Variants in RPH3AL observed in about 807,000 individuals in gnomAD.
RPH3AL encodes the protein rabphilin 3A like (without C2 domains).
A neutral mutation model predicts 43.1 loss-of-function variants in RPH3AL; 38 were observed. The ratio of observed to expected loss-of-function variants is 0.88; its 90% CI spans 0.68 to 1.15. The LOEUF is 1.15. RPH3AL is among the 50% of genes most tolerant of loss of function. RPH3AL has a pLI of 0.00. For missense variants in RPH3AL, 462 were observed against 423.2 expected (o/e 1.09, Z -0.81); for synonymous variants, 189 against 176.3 (o/e 1.07, Z -0.57).
intron 1 of RPH3AL, chr17:339,717 C>T (rs1421917638): frequency 1.3e-5 from 2 of 152,274 alleles, no homozygotes; most frequent in African/African-American, 2.4e-5. Context: ...CCTCCCAAGG[C>T]GTCGGGTTGC....
At chr17:243,932 GATTACCCT>G in intron 7 of RPH3AL, among the ~76,000 whole-genome samples, 1 of 134,352 alleles carries the variant, frequency 7.4e-6, no homozygotes, top group Non-Finnish European at 1.6e-5. Flanking sequence ...TTCCTCTACT[GATTACCCT>G]TCCTCTACTG....
chr17:312,546 AG>A (rs1286911403), intron 5 of RPH3AL, among the ~76,000 whole-genome samples: 3 of 152,228 alleles, frequency 2.0e-5, no homozygotes, highest in African/African-American at 7.2e-5. Context: ...GGAGTCACTC[AG>A]CCTCTTCTGA....
intron 5 of RPH3AL, among the ~76,000 whole-genome samples, chr17:296,010 C>T (rs76420992): frequency 7.8e-5 from 6 of 77,322 alleles, no homozygotes; most frequent in Admixed American, 1.5e-4. Flanking sequence ...CAGAAATGGA[C>T]GGGCAGAGGG....
intron 6 of RPH3AL, among the ~76,000 whole-genome samples, chr17:262,555 C>T (rs1010841404): frequency 8.5e-5 from 13 of 152,094 alleles, no homozygotes; most frequent in Admixed American, 2.6e-4. Context: ...CCAGGTGCAG[C>T]GGCTCACGCT....
chr17:319,480 G>C lies in RPH3AL; in HGVS notation c.291C>G (p.Leu97=). 6.2e-7 allele frequency: 1 copy of C among 1,612,702 alleles called. No individual in the cohort carries two copies. The highest frequency in any genetic ancestry group is 8.5e-7 in the Non-Finnish European group (1 of 1,179,966). ...VMGNGLSQCL[L]CGEVLGFLGS... is the part of the protein sequence containing the mutation. ...CCAGGAAGCCCAGCACCTCCCCGCA[G>C]AGCAGACACTGGGACAGGCCGTTCC... is the stretch of plus-strand genomic sequence containing the variant. The change falls in exon 5 of 10, where the codon CTC becomes CTG. Residue 97 remains leucine, a synonymous_variant. Transcript: ENST00000331302.
intron 6 of RPH3AL, among the ~76,000 whole-genome samples, chr17:249,226 A>G (rs1301015298): frequency 2.0e-5 from 3 of 152,040 alleles, no homozygotes; most frequent in African/African-American, 7.2e-5. Flanking sequence ...AAAAACCTCA[A>G]CTGACATGAC....
chr17:292,878 C>A (rs1167863403), intron 5 of RPH3AL, among the ~76,000 whole-genome samples: 1 of 152,246 alleles, frequency 6.6e-6, no homozygotes, highest in Non-Finnish European at 1.5e-5. Flanking sequence ...AATACCAAGT[C>A]ACAGAAGGCC....
At chr17:224,253 G>T (rs1412362428) in intron 7 of RPH3AL, among the ~76,000 whole-genome samples, 3 of 143,526 alleles carry the variant, frequency 2.1e-5, no homozygotes, top group African/African-American at 7.3e-5. Context: ...CTCTTTAAAG[G>T]TTCCCCATGC....
rs544548551 is a variant in RPH3AL, at chr17:283,137, C to T, written c.352-1283G>A. On this transcript the variant is annotated intron_variant, in intron 5 of 9. Coordinates refer to ENST00000331302, the MANE Select transcript of RPH3AL (RefSeq NM_006987.4). The surrounding 1 kb of genome is among the most constrained non-coding windows in gnomAD (Gnocchi z 4.2). Reference sequence around the variant, plus strand: ...ATCTTTCTGCCACACGGAAGCCACCCGGTCCCTGCGTGGGTGGGGGCTCTC... The same window carrying T: ...ATCTTTCTGCCACACGGAAGCCACCTGGTCCCTGCGTGGGTGGGGGCTCTC... Among the ~76,000 whole-genome samples, 1 of 148,926 alleles carries T rather than the reference C, an allele frequency of 6.7e-6. No homozygotes were observed. The highest frequency in any genetic ancestry group is 2.1e-4 in the South Asian group (1 of 4,708).
chr17:235,295 G>A (rs1018386389), intron 7 of RPH3AL, among the ~76,000 whole-genome samples: 67 of 139,006 alleles, frequency 4.8e-4, no homozygotes, highest in African/African-American at 1.5e-3. Flanking sequence ...CTAACAAGAC[G>A]GGTCCCGGGT....
At chr17:340,238 G>T (rs1163797951) in intron 1 of RPH3AL, among the ~76,000 whole-genome samples, 1 of 151,964 alleles carries the variant, frequency 6.6e-6, no homozygotes, top group African/African-American at 2.4e-5. Flanking sequence ...TCAAGCCCAG[G>T]GTCCTCAGCT....
At chr17:268,406 T>G (rs2042370618) in intron 6 of RPH3AL, among the ~76,000 whole-genome samples, 1 of 152,184 alleles carries the variant, frequency 6.6e-6, no homozygotes. Flanking sequence ...CTTATTTTAT[T>G]GTAAGAATAT....
intron 2 of RPH3AL, chr17:331,902 T>C: frequency 7.8e-7 from 1 of 1,282,302 alleles, no homozygotes; most frequent in Non-Finnish European, 1.0e-6. Context: ...ATTAAACTGA[T>C]GAGGGAACAA....
At chr17:235,728 T>C (rs111985177) in intron 7 of RPH3AL, among the ~76,000 whole-genome samples, 1,446 of 10,334 alleles carry the variant, frequency 0.14, 2 homozygotes, top group African/African-American at 0.19. Flanking sequence ...TCAGCGGAGG[T>C]TCCACACTAA....
In RPH3AL at chr17:265,334, G is replaced by A. The variant is rs118147312; in HGVS notation, c.438+16434C>T. ...TGGTCTCAGACTCCTATACTCAAGC[G>A]ATCCTCCCACCTCGGCCTCTCAAAG... On this transcript the variant is annotated intron_variant, in intron 6 of 9. Coordinates refer to ENST00000331302, the MANE Select transcript of RPH3AL (RefSeq NM_006987.4). Among the ~76,000 whole-genome samples the A allele has an allele frequency of 4.7e-4, 71 of 152,226 alleles. No homozygotes were observed. The East Asian group carries it at 0.012, about 25-fold the overall frequency.
chr17:244,162 TCCTC>T (rs1045632548), intron 7 of RPH3AL, among the ~76,000 whole-genome samples: 6 of 149,100 alleles, frequency 4.0e-5, no homozygotes, highest in African/African-American at 1.5e-4. Flanking sequence ...TGATTACCCT[TCCTC>T]TATTGATTCC....
rs1054470006 is a variant in RPH3AL at position 286,193 on chromosome 17, G to A, written c.352-4339C>T. On this transcript the variant is annotated intron_variant, in intron 5 of 9. Transcript: ENST00000331302. ...GTCCTGTCCTCTACTCACAGACCACGAGGACGCGGAGCCAACGGATCTGGG... is the reference window on the plus strand; with the variant it reads ...GTCCTGTCCTCTACTCACAGACCACAAGGACGCGGAGCCAACGGATCTGGG... 9.2e-5 allele frequency among the ~76,000 whole-genome samples: 14 copies of A among 152,304 alleles called. 1 individual carries two copies. The highest frequency in any genetic ancestry group is 1.9e-4 in the East Asian group (1 of 5,174).
chr17:320,626 G>C (rs919897158), intron 4 of RPH3AL, among the ~76,000 whole-genome samples: 1 of 151,996 alleles, frequency 6.6e-6, no homozygotes, highest in Non-Finnish European at 1.5e-5. Context: ...ACTGCAGAGT[G>C]AGACCCTGTC....
At chr17:214,064 C>T (rs548844590) in intron 9 of RPH3AL, 141 bp from the exon 10 acceptor site, 35 of 652,948 alleles carry the variant, frequency 5.4e-5, no homozygotes, top group Admixed American at 2.5e-4. Context: ...TGCCTCAGCC[C>T]GAGCTCGAGA....
Sources: gnomAD v4.1 joint callset for allele counts (sites outside exome capture counted in the v4.1 genomes callset) on GRCh38, gnomAD v4.1.1 for gene constraint, Gnocchi (gnomAD v3.1) non-coding constraint, MANE v1.5 for transcripts, NCBI Gene and HGNC (gene_info 2026-07-23, HGNC 2026-07-21) for gene names.